IFT56: variants seen among roughly 807,000 people sequenced by gnomAD.
The protein encoded by IFT56 is intraflagellar transport 56, also known as intraflagellar transport protein 56.
chr7:139,180,820 AT>A, the IFT56 span, among the ~76,000 whole-genome samples: 2 of 152,212 alleles, frequency 1.3e-5, no homozygotes, highest in African/African-American at 4.8e-5. Flanking sequence ...AATGATAGGT[AT>A]CCTCTTTTAA....
the IFT56 span, among the ~76,000 whole-genome samples, chr7:139,145,893 C>A: frequency 1.3e-5 from 2 of 152,126 alleles, no homozygotes; most frequent in Non-Finnish European, 2.9e-5. Flanking sequence ...CATCATAGTA[C>A]TTTTAGAAAA....
chr7:139,173,506 G>C, the IFT56 span: 2 of 738,608 alleles, frequency 2.7e-6, no homozygotes, highest in South Asian at 2.8e-5. Context: ...TGAGATTACA[G>C]GTGTGAGCCA....
At chr7:139,181,010 C>A in the IFT56 span, 56 of 844,396 alleles carry the variant, frequency 6.6e-5, 1 homozygote, top group South Asian at 7.6e-4. Flanking sequence ...AGAACCAAAT[C>A]CATAGAATAA....
the IFT56 span, among the ~76,000 whole-genome samples, chr7:139,150,420 T>C: frequency 6.6e-6 from 1 of 152,224 alleles, no homozygotes; most frequent in African/African-American, 2.4e-5. Context: ...GTCTTTTCCA[T>C]AGTCTAGTAT....
chr7:139,172,986 G>T, the IFT56 span: 1 of 726,168 alleles, frequency 1.4e-6, no homozygotes, highest in South Asian at 1.4e-5. Flanking sequence ...GTGAGGTGCT[G>T]CTGTCAGAAA....
At chr7:139,184,225 C>T in the IFT56 span, among the ~76,000 whole-genome samples, 11 of 152,188 alleles carry the variant, frequency 7.2e-5, no homozygotes, top group South Asian at 2.3e-3. Flanking sequence ...TTAATAGGGC[C>T]GTTCTACTCT....
the IFT56 span, among the ~76,000 whole-genome samples, chr7:139,179,962 G>A: frequency 2.0e-5 from 3 of 152,162 alleles, no homozygotes; most frequent in Non-Finnish European, 2.9e-5. Flanking sequence ...ATGAAATGAT[G>A]CTGTTACACT....
At chr7:139,189,615 A>G in the IFT56 span, 3 of 510,000 alleles carry the variant, frequency 5.9e-6, no homozygotes, top group African/African-American at 3.9e-5. Flanking sequence ...AGAGTGCCAT[A>G]GTCTGTGACC....
chr7:139,171,378 A>T, the IFT56 span, among the ~76,000 whole-genome samples: 1 of 152,334 alleles, frequency 6.6e-6, no homozygotes, highest in East Asian at 1.9e-4. Context: ...AGACCAGAAT[A>T]GCCAAAGCTG....
chr7:139,189,710 C>G, the IFT56 span: 1 of 226,918 alleles, frequency 4.4e-6, no homozygotes, highest in Admixed American at 5.6e-5. Context: ...ATGCAATTTA[C>G]TGACTTTAAG....
At chr7:139,133,984 T>C in the IFT56 span, 32 of 1,198,200 alleles carry the variant, frequency 2.7e-5, no homozygotes, top group Non-Finnish European at 4.9e-6. Flanking sequence ...CAGCTCTCCC[T>C]GTGTTCCCAC....
the IFT56 span, chr7:139,172,648 C>T: frequency 6.6e-6 from 4 of 609,316 alleles, no homozygotes; most frequent in African/African-American, 7.4e-5. Flanking sequence ...ACAAAGCCTT[C>T]AGATTTTTCT....
At chr7:139,147,396 C>A in the IFT56 span, 1 of 927,470 alleles carries the variant, frequency 1.1e-6, no homozygotes, top group Non-Finnish European at 1.6e-6. Context: ...ACTATGTGTT[C>A]AAATCTGTTT....
At chr7:139,134,940 G>A in the IFT56 span, 2 of 812,808 alleles carry the variant, frequency 2.5e-6, no homozygotes, top group Admixed American at 6.4e-5. Flanking sequence ...GTCAGGCACA[G>A]ATTCCAGATT....
chr7:139,154,668 C>G, the IFT56 span, among the ~76,000 whole-genome samples: 1 of 152,140 alleles, frequency 6.6e-6, no homozygotes, highest in Admixed American at 6.5e-5. Context: ...TTCATTTCTT[C>G]TGGACTCAGT....
the IFT56 span, among the ~76,000 whole-genome samples, chr7:139,140,833 A>AAATGC: frequency 1.3e-5 from 2 of 151,588 alleles, no homozygotes; most frequent in African/African-American, 4.8e-5. Context: ...AAGTTCAAGG[A>AAATGC]AATGCAGAGA....
the IFT56 span, chr7:139,172,445 A>G: frequency 2.6e-6 from 1 of 382,994 alleles, no homozygotes; most frequent in Non-Finnish European, 5.0e-6. Context: ...CTACCTTGAT[A>G]GTTGTTCATC....
At chr7:139,168,043 CT>C in the IFT56 span, among the ~76,000 whole-genome samples, 2 of 151,570 alleles carry the variant, frequency 1.3e-5, no homozygotes, top group African/African-American at 4.8e-5. Context: ...CAACATTTTA[CT>C]TTTTTTTCCA....
At chr7:139,157,250 G>A in the IFT56 span, among the ~76,000 whole-genome samples, 6 of 144,342 alleles carry the variant, frequency 4.2e-5, no homozygotes, top group Middle Eastern at 7.3e-3. Context: ...GGGTTCCAGC[G>A]ATTCTCCTGC....
Sources: allele counts gnomAD v4.1 joint callset (sites outside exome capture counted in the v4.1 genomes callset), GRCh38; gene constraint gnomAD v4.1.1; transcripts MANE v1.5; gene names NCBI Gene and HGNC (gene_info 2026-07-23, HGNC 2026-07-21).